NUDT18: variants seen among roughly 807,000 people sequenced by gnomAD.
The protein encoded by NUDT18 is 8-oxo-dGDP phosphatase NUDT18.
Under a neutral mutation model 27.6 loss-of-function variants are expected in NUDT18, and 26 were observed. The observed-to-expected ratio is 0.94, with a 90% CI of 0.69 to 1.31. The LOEUF is 1.31. Among genes scored for constraint, NUDT18 ranks in the 50% most tolerant of loss-of-function variants. NUDT18 has a pLI of 0.00. For synonymous variants in NUDT18, 220 were observed against 196.9 expected, an observed-to-expected ratio of 1.12 and a Z score of -0.98; for missense variants, 450 against 433.4, an observed-to-expected ratio of 1.04 and a Z score of -0.34.
At position 22,107,311 on chromosome 8, in the gene NUDT18, C is replaced by A. The variant is rs746968706; in HGVS notation, c.961G>T (p.Val321Leu). The change falls in exon 3 of 3, where the codon GTG becomes TTG. Residue 321 changes from valine (V) to leucine (L), a missense_variant. Transcript: ENST00000611621. ...CCTCCCCCACCTCTCTATCTGTTCA[C>A]TGGGACAACAGAGGATCCCTGAAGC... is the stretch of plus-strand genomic sequence containing the variant. ...QRLQGSSVVP[V>L]NR is the part of the protein sequence containing the mutation. 4 of 1,601,660 alleles carry A rather than the reference C, an allele frequency of 2.5e-6. No homozygotes were observed. The highest frequency in any genetic ancestry group is 2.6e-6 in the Non-Finnish European group (3 of 1,173,780).
Position 22,107,193 on chromosome 8 carries a change from A to G in NUDT18, c.*107T>C. On this transcript the variant is annotated 3_prime_UTR_variant, in exon 3 of 3. Coordinates refer to ENST00000611621, the MANE Select transcript of NUDT18 (RefSeq NM_024815.4). Reference sequence around the variant, plus strand: ...GACCAGGAGAGCCGCCCCTGCTCCCAATGCAACAAGATCCCTGATCGCCAG... The same window carrying G: ...GACCAGGAGAGCCGCCCCTGCTCCCGATGCAACAAGATCCCTGATCGCCAG... 1 of 821,478 alleles carries G rather than the reference A, an allele frequency of 1.2e-6. No homozygotes were observed. Among genetic ancestry groups the G allele is most frequent in the South Asian group, 1.8e-5 (1 of 54,930 alleles). 50.9% of individuals were successfully genotyped at this position (821,478 alleles called of 1,614,324 possible). A position where few individuals can be genotyped will look rare whatever the true frequency, so the allele number is the denominator to read the frequency against.
rs1285663583 is a variant in NUDT18, at chr8:22,107,134, C to T, written c.*166G>A. ...TTAAAGGCACTGTCCCTTGTGCAAT[C>T]TAGAGGAATGCTCCTCAAAGCATCT... On this transcript the variant is annotated 3_prime_UTR_variant, in exon 3 of 3. Coordinates refer to ENST00000611621, the MANE Select transcript of NUDT18 (RefSeq NM_024815.4). The T allele has an allele frequency of 3.3e-6, 2 of 611,836 alleles. No homozygotes were observed. Among genetic ancestry groups the T allele is most frequent in the Admixed American group, 3.0e-5 (1 of 33,624 alleles). 37.9% of individuals were successfully genotyped at this position (611,836 alleles called of 1,614,324 possible). A position where few individuals can be genotyped will look rare whatever the true frequency, so the allele number is the denominator to read the frequency against.
Position 22,108,322 on chromosome 8 carries a change from C to T in NUDT18, c.187G>A (p.Ala63Thr). The T allele has an allele frequency of 1.3e-6, 2 of 1,582,304 alleles. No homozygotes were observed. The highest frequency in any genetic ancestry group is 1.7e-6 in the Non-Finnish European group (2 of 1,166,162). The change falls in exon 2 of 3, where the codon GCC (alanine) becomes ACC (threonine). Residue 63 changes from alanine to threonine, a missense_variant. Coordinates refer to ENST00000611621, the MANE Select transcript of NUDT18 (RefSeq NM_024815.4). ...EQDEVLLIQE[A>T]KRECRGSWYL... ...CACGACCCCCGGCACTCCCTCTTGG[C>T]CTCCTGGATCAGTAGCACCTCATCC...
chr8:22,107,922 G>A, intron 2 of NUDT18, 27 bp from the exon 3 acceptor site: 1 of 1,530,762 alleles, frequency 6.5e-7, no homozygotes, highest in Non-Finnish European at 8.8e-7. Context: ...GGATGGGGCA[G>A]GGAGGGTCTG....
upstream of NUDT18, chr8:22,109,953 T>A (rs1826444187): frequency 3.2e-6 from 1 of 314,658 alleles, no homozygotes; most frequent in African/African-American, 2.3e-5. Context: ...TCTGCAATAG[T>A]TGGAGAGATG....
At chr8:22,108,684 C>T (rs1327586783) in intron 1 of NUDT18, among the ~76,000 whole-genome samples, 1 of 152,240 alleles carries the variant, frequency 6.6e-6, no homozygotes. Context: ...TATCTCTCGC[C>T]TCCAACGGCG....
In NUDT18 at chr8:22,107,868, G is replaced by A. The variant is rs779692279; in HGVS notation, c.404C>T (p.Ala135Val). 1 of 1,593,386 alleles carries A rather than the reference G, an allele frequency of 6.3e-7. No homozygotes were observed. The change falls in exon 3 of 3, where the codon GCC becomes GTC. Residue 135 changes from alanine to valine, a missense_variant. Physicochemically the swap from Ala to Val is moderately conservative, Grantham distance 64. Transcript: ENST00000611621. The part of the protein sequence containing the change: ...TGGILKTSKE[A>V]DAESLQAAWY... ...GGCAGCCTGCAGGGACTCCGCATCG[G>A]CCTCCTTGGAAGTCTTGAGAATTCC...
At chr8:22,109,842 T>C (rs2131742862), upstream of NUDT18, 2 of 436,546 alleles carry the variant, frequency 4.6e-6, no homozygotes, top group South Asian at 1.6e-5. Context: ...ATTGCCGGAG[T>C]TGATCATATC....
chr8:22,109,473 G>C, upstream of NUDT18: 1 of 562,496 alleles, frequency 1.8e-6, no homozygotes, highest in African/African-American at 2.0e-5. Context: ...GCCGCTGATA[G>C]GCTGCGCGGC....
chr8:22,107,825 G>A lies in NUDT18; in HGVS notation c.447C>T (p.Ser149=), dbSNP rs917931229. The change falls in exon 3 of 3, where the codon TCC becomes TCT. Residue 149 remains serine (S), a synonymous_variant. Coordinates refer to ENST00000611621, the MANE Select transcript of NUDT18 (RefSeq NM_024815.4). ...SLQAAWYPRT[S]LPTPLRAHDI... ...CATGGGCTCGCAGCGGAGTGGGCAG[G>A]GAGGTCCGTGGGTACCAGGCAGCCT... 6.2e-7 allele frequency: 1 copy of A among 1,611,860 alleles called. No homozygotes were observed. Among genetic ancestry groups the A allele is most frequent in the Admixed American group, 1.7e-5 (1 of 59,886 alleles).
At chr8:22,108,469 T>C in intron 1 of NUDT18, 123 bp from the exon 2 acceptor site, 1 of 772,214 alleles carries the variant, frequency 1.3e-6, no homozygotes, top group Non-Finnish European at 2.0e-6. Flanking sequence ...CAGCTAGCGC[T>C]CCAGGAGACC....
intron 1 of NUDT18, among the ~76,000 whole-genome samples, chr8:22,108,683 C>T (rs935638844): frequency 2.0e-5 from 3 of 152,372 alleles, no homozygotes; most frequent in East Asian, 1.9e-4. Flanking sequence ...GTATCTCTCG[C>T]CTCCAACGGC....
chr8:22,108,403 G>A, intron 1 of NUDT18, 57 bp from the exon 2 acceptor site: 3 of 1,449,730 alleles, frequency 2.1e-6, no homozygotes, highest in Non-Finnish European at 2.8e-6. Context: ...CCCGGGACCA[G>A]GGGGCATCTC....
chr8:22,107,389 A>C lies in NUDT18; in HGVS notation c.883T>G (p.Phe295Val), dbSNP rs1826383515. 5 of 1,613,544 alleles carry C rather than the reference A, an allele frequency of 3.1e-6. No individual in the cohort carries two copies. In the South Asian group the frequency reaches 4.4e-5, roughly 14 times the overall value. Residue 295 changes from phenylalanine to valine, a missense_variant, in exon 3 of 3, where the codon TTC becomes GTC. Phe to Val is a conservative substitution (Grantham distance 50, BLOSUM62 -1). Transcript: ENST00000611621. ...TCCTCCATCACCTTCCACCAAGAGA[A>C]GTTCTCACCCCGAACTTTTGGGGGT... ...DEPPKVRGENFSWWKVMEEDL... is the reference protein window; with the variant it reads ...DEPPKVRGENVSWWKVMEEDL...
chr8:22,108,469 T>G, intron 1 of NUDT18, 123 bp from the exon 2 acceptor site: 2 of 772,212 alleles, frequency 2.6e-6, no homozygotes, highest in Non-Finnish European at 2.0e-6. Flanking sequence ...CAGCTAGCGC[T>G]CCAGGAGACC....
chr8:22,109,785 C>T (rs1484234969), upstream of NUDT18: 1 of 455,562 alleles, frequency 2.2e-6, no homozygotes, highest in South Asian at 1.6e-5. Context: ...GGCCCGGGGC[C>T]GCCCCCTGGA....
At chr8:22,109,543 G>T, upstream of NUDT18, 1 of 465,950 alleles carries the variant, frequency 2.1e-6, no homozygotes, top group Non-Finnish European at 3.9e-6. Context: ...GGGCCGCCCG[G>T]GGCCGCCCTG....
At chr8:22,108,485 T>C in intron 1 of NUDT18, 139 bp from the exon 2 acceptor site, 1 of 681,552 alleles carries the variant, frequency 1.5e-6, no homozygotes, top group Non-Finnish European at 2.4e-6. Flanking sequence ...AGACCTGCCC[T>C]CGTGTCGCTG....
chr8:22,109,241 G>A lies in NUDT18; in HGVS notation c.60C>T (p.Ser20=). ...CCGGCGCCGAGTCGCAGCTGTGCAC[G>A]CTGGACCCCTGGCCAGCCAGCACGG... ...LASVLAGQGS[S]VHSCDSAPAG... Residue 20 remains serine (S), a synonymous_variant, in exon 1 of 3, where the codon AGC becomes AGT. Transcript: ENST00000611621. The A allele has an allele frequency of 2.1e-6, 3 of 1,427,122 alleles. No homozygotes were observed. The highest frequency in any genetic ancestry group is 1.5e-5 in the African/African-American group (1 of 66,436). The allele number at this position is 1,427,122 out of a possible 1,614,324, so 88.4% of individuals were successfully genotyped here. A position where few individuals can be genotyped will look rare whatever the true frequency, so the allele number is the denominator to read the frequency against.
Sources: allele counts gnomAD v4.1 joint callset (sites outside exome capture counted in the v4.1 genomes callset), GRCh38; gene constraint gnomAD v4.1.1; transcripts MANE v1.5; gene names NCBI Gene and HGNC (gene_info 2026-07-23, HGNC 2026-07-21).